Variants in SPHKAP observed in about 807,000 individuals in gnomAD.
The protein encoded by SPHKAP is SPHK1 interactor, AKAP domain containing.
A neutral mutation model predicts 137.5 loss-of-function variants in SPHKAP; 67 were observed. The observed-to-expected ratio is 0.49, with a 90% CI of 0.40 to 0.60. The LOEUF (loss-of-function observed/expected upper bound fraction) is 0.60, where lower values mean the gene tolerates loss of function less well. SPHKAP is among the 20% of genes least tolerant of loss of function. SPHKAP has a pLI of 0.00. For missense variants in SPHKAP, 2,097 were observed against 2,069.3 expected, an observed-to-expected ratio of 1.01 and a Z score of -0.26; for synonymous variants, 813 against 785.3, an observed-to-expected ratio of 1.04 and a Z score of -0.59.
At chr2:228,000,491 G>C (rs12694761) in intron 7 of SPHKAP, among the ~76,000 whole-genome samples, 1 of 151,708 alleles carries the variant, frequency 6.6e-6, no homozygotes, top group Non-Finnish European at 1.5e-5. Flanking sequence ...GGTGGTGGGC[G>C]CCTGTAGTCC....
chr2:228,087,709 T>C (rs950436872), intron 3 of SPHKAP, among the ~76,000 whole-genome samples: 6 of 152,002 alleles, frequency 3.9e-5, no homozygotes, highest in Non-Finnish European at 7.4e-5. Flanking sequence ...GCAGAAGAAA[T>C]AATCAGTGAA....
At chr2:228,155,197 T>A (rs1700073816) in intron 1 of SPHKAP, among the ~76,000 whole-genome samples, 2 of 152,182 alleles carry the variant, frequency 1.3e-5, no homozygotes. Flanking sequence ...ATTACCCTTT[T>A]TATTCATTCA....
chr2:228,129,061 G>C (rs1457231292), intron 2 of SPHKAP, among the ~76,000 whole-genome samples: 2 of 152,184 alleles, frequency 1.3e-5, no homozygotes, highest in Non-Finnish European at 2.9e-5. Flanking sequence ...GGAGCAGTCA[G>C]AGCACATACA....
chr2:228,061,192 G>A (rs148282209), intron 3 of SPHKAP, among the ~76,000 whole-genome samples: 192 of 152,260 alleles, frequency 1.3e-3, no homozygotes, highest in African/African-American at 4.5e-3. Flanking sequence ...ATACGTGAGG[G>A]ATGGCAGGAT....
At chr2:228,121,158 T>G (rs1377615198) in intron 2 of SPHKAP, among the ~76,000 whole-genome samples, 1 of 152,148 alleles carries the variant, frequency 6.6e-6, no homozygotes, top group Non-Finnish European at 1.5e-5. Flanking sequence ...GACAATGAAT[T>G]TAATGGCCAC....
At chr2:228,039,680 A>T (rs1332797445) in intron 3 of SPHKAP, among the ~76,000 whole-genome samples, 1 of 152,230 alleles carries the variant, frequency 6.6e-6, no homozygotes, top group Non-Finnish European at 1.5e-5. Flanking sequence ...TGTAATTCAC[A>T]GCAACTTTTG....
At chr2:228,153,131 AT>A (rs1218307532) in intron 1 of SPHKAP, among the ~76,000 whole-genome samples, 2 of 152,106 alleles carry the variant, frequency 1.3e-5, no homozygotes, top group Non-Finnish European at 2.9e-5. Flanking sequence ...CTGTGAGTCA[AT>A]TAAACCTCTT....
At chr2:228,128,527 C>A (rs771244831) in intron 2 of SPHKAP, among the ~76,000 whole-genome samples, 1 of 152,100 alleles carries the variant, frequency 6.6e-6, no homozygotes, top group Non-Finnish European at 1.5e-5. Context: ...TGACCTTCTT[C>A]CATGAACCAT....
intron 2 of SPHKAP, among the ~76,000 whole-genome samples, chr2:228,118,056 T>A (rs1698771803): frequency 1.3e-5 from 2 of 152,078 alleles, no homozygotes. Flanking sequence ...ATTTGATTTT[T>A]ATCCCTAAAA....
intron 1 of SPHKAP, among the ~76,000 whole-genome samples, chr2:228,134,475 C>G (rs1288441670): frequency 1.3e-5 from 2 of 152,102 alleles, no homozygotes; most frequent in African/African-American, 4.8e-5. Flanking sequence ...AGTTTTCAGC[C>G]CCTATCTTTA....
chr2:228,135,274 CAAAAAA>C (rs11435994), intron 1 of SPHKAP, among the ~76,000 whole-genome samples: 1 of 95,438 alleles, frequency 1.0e-5, no homozygotes, highest in African/African-American at 4.2e-5. Context: ...AACTCTGTCT[CAAAAAA>C]AAAAAAAAAA....
At chr2:228,166,944 G>T (rs1484571650) in intron 1 of SPHKAP, among the ~76,000 whole-genome samples, 1 of 152,098 alleles carries the variant, frequency 6.6e-6, no homozygotes, top group Admixed American at 6.6e-5. Flanking sequence ...CATGGTGAGA[G>T]CAGGATCCAG....
At chr2:228,132,609 A>G (rs1369358060) in intron 1 of SPHKAP, 6 of 460,880 alleles carry the variant, frequency 1.3e-5, no homozygotes, top group South Asian at 1.9e-4. Flanking sequence ...CAAATTCTCT[A>G]TCTCCAAAAT....
chr2:228,089,793 G>C (rs1697661248), intron 3 of SPHKAP, among the ~76,000 whole-genome samples: 1 of 152,172 alleles, frequency 6.6e-6, no homozygotes, highest in Non-Finnish European at 1.5e-5. Flanking sequence ...GTAAGCTGCT[G>C]TAAGCCTTGG....
At position 227,981,550 on chromosome 2, in the gene SPHKAP, T is replaced by C. The variant is rs1476232406; in HGVS notation, c.*167A>G. The C allele has an allele frequency of 3.6e-6, 3 of 821,944 alleles. No individual in the cohort carries two copies. Among genetic ancestry groups the C allele is most frequent in the South Asian group, 2.5e-5 (1 of 40,018 alleles). 50.9% of individuals were successfully genotyped at this position (821,944 alleles called of 1,614,324 possible). On this transcript the variant is annotated 3_prime_UTR_variant, in exon 12 of 12. Coordinates refer to ENST00000392056, the MANE Select transcript of SPHKAP (RefSeq NM_001142644.2). Reference sequence around the variant, plus strand: ...GAATTTGGACAGACCTATATTTTGCTTTTCCTCTGACTTATTCTGTATGCA... The same window carrying C: ...GAATTTGGACAGACCTATATTTTGCCTTTCCTCTGACTTATTCTGTATGCA...
At chr2:228,000,277 C>CAGGAGGTCTTGA (rs1693800882) in intron 7 of SPHKAP, among the ~76,000 whole-genome samples, 1 of 151,716 alleles carries the variant, frequency 6.6e-6, no homozygotes, top group Admixed American at 6.6e-5. Context: ...GTCAGGAGTT[C>CAGGAGGTCTTGA]AAGACCAGCC....
At position 228,133,483 on chromosome 2, in the gene SPHKAP, ATTC is replaced by A. The variant is rs1273042842; in HGVS notation, c.33-1401_33-1399del. Among the ~76,000 whole-genome samples, 6 of 152,308 alleles carry A rather than the reference ATTC, an allele frequency of 3.9e-5. No individual in the cohort carries two copies. The East Asian group carries it at 9.6e-4, about 24-fold the overall frequency. On this transcript the variant is annotated intron_variant, in intron 1 of 11. Coordinates refer to ENST00000392056, the MANE Select transcript of SPHKAP (RefSeq NM_001142644.2). ...CTAAATGTTATATGCATTTCTAAAT[ATTC>A]TTCTTCTGAAAATATAATAATTTGG...
rs949474928 is a variant in SPHKAP, at chr2:227,980,367, A to G, written c.*1350T>C. The G allele has an allele frequency of 2.6e-5, 4 of 152,216 alleles. No homozygotes were observed. Among genetic ancestry groups the G allele is most frequent in the Admixed American group, 1.3e-4 (2 of 15,282 alleles). 9.4% of individuals were successfully genotyped at this position (152,216 alleles called of 1,614,324 possible). On this transcript the variant is annotated 3_prime_UTR_variant, in exon 12 of 12. Coordinates refer to ENST00000392056, the MANE Select transcript of SPHKAP (RefSeq NM_001142644.2). Reference sequence around the variant, plus strand: ...GGATGATAGAGAAGGTGAGGCCAGCATTCATGGTATGGGAACCTGTTCACA... The same window carrying G: ...GGATGATAGAGAAGGTGAGGCCAGCGTTCATGGTATGGGAACCTGTTCACA...
chr2:228,160,309 CA>C (rs1700237636), intron 1 of SPHKAP, among the ~76,000 whole-genome samples: 4 of 151,960 alleles, frequency 2.6e-5, no homozygotes, highest in Admixed American at 2.0e-4. Flanking sequence ...TTTTATATAC[CA>C]ATTGTATTAG....
Sources: gnomAD v4.1 joint callset for allele counts (sites outside exome capture counted in the v4.1 genomes callset) on GRCh38, gnomAD v4.1.1 for gene constraint, MANE v1.5 for transcripts, NCBI Gene and HGNC (gene_info 2026-07-23, HGNC 2026-07-21) for gene names.